The following WDR93 variants were observed in gnomAD, a reference collection of about 807,000 sequenced individuals.
WDR93 encodes the protein WD repeat domain 93.
Under a neutral mutation model 82.9 loss-of-function variants are expected in WDR93, and 73 were observed. The observed-to-expected ratio is 0.88, with a 90% confidence interval of 0.73 to 1.07. The LOEUF (loss-of-function observed/expected upper bound fraction) is 1.07, where lower values mean the gene tolerates loss of function less well. WDR93 is among the 50% of genes least tolerant of loss of function. The pLI is 0.00. For missense variants in WDR93, 738 were observed against 826.0 expected (o/e 0.89, Z 1.31); for synonymous variants, 283 against 300.1 (o/e 0.94, Z 0.59).
chr15:89,705,322 G>A (rs1223928741), intron 3 of WDR93: 10 of 530,510 alleles, frequency 1.9e-5, no homozygotes, highest in Middle Eastern at 3.7e-4. Context: ...GGGAGATGCC[G>A]GTGGAGCCAG....
chr15:89,738,179 T>C lies in WDR93; in HGVS notation c.1904T>C (p.Met635Thr), dbSNP rs1281542073. The C allele has an allele frequency of 1.2e-6, 2 of 1,614,164 alleles. No individual in the cohort carries two copies. Among genetic ancestry groups the C allele is most frequent in the East Asian group, 2.2e-5 (1 of 44,888 alleles). Residue 635 changes from methionine to threonine, a missense_variant, in exon 16 of 17, where the codon ATG (methionine) becomes ACG (threonine). Physicochemically the swap from Met to Thr is moderately conservative, Grantham distance 81 (BLOSUM62 -1). Coordinates refer to ENST00000268130, the MANE Select transcript of WDR93 (RefSeq NM_020212.2). ...ATTCCTCAAAGGGACTTGGATAACA[T>C]GGCCTTCCCCCAAGCACTGCCACTG... ...CTIPQRDLDN[M>T]AFPQALPLEK...
chr15:89,743,550 T>C lies in WDR93; in HGVS notation c.*159T>C. The C allele has an allele frequency of 1.5e-6, 1 of 651,528 alleles. No homozygotes were observed. Among genetic ancestry groups the C allele is most frequent in the Non-Finnish European group, 2.6e-6 (1 of 381,112 alleles). 40.4% of individuals were successfully genotyped at this position (651,528 alleles called of 1,614,324 possible). A position where few individuals can be genotyped will look rare whatever the true frequency, so the allele number is the denominator to read the frequency against. On this transcript the variant is annotated 3_prime_UTR_variant, in exon 17 of 17. Transcript: ENST00000268130. ...AGAGCCAGCAAGGGGAAAAGTATAA[T>C]CTGGGGGACCTTCAACCACTAAGCC...
At chr15:89,707,197 G>A (rs1965760422) in intron 4 of WDR93, among the ~76,000 whole-genome samples, 1 of 151,946 alleles carries the variant, frequency 6.6e-6, no homozygotes, top group Non-Finnish European at 1.5e-5. Flanking sequence ...TTAGGGAGGT[G>A]GAAATTAAAA....
At chr15:89,727,780 C>G (rs954150556) in intron 9 of WDR93, among the ~76,000 whole-genome samples, 1 of 150,114 alleles carries the variant, frequency 6.7e-6, no homozygotes, top group African/African-American at 2.4e-5. Context: ...ATTTTTTTTT[C>G]TAGTTATCTA....
At chr15:89,694,105 T>A (rs1034531766) in intron 1 of WDR93, among the ~76,000 whole-genome samples, 2 of 152,352 alleles carry the variant, frequency 1.3e-5, no homozygotes, top group African/African-American at 4.8e-5. Context: ...CGTGTAGTGG[T>A]ATCTCATGAT....
At chr15:89,708,888 G>A (rs902858432) in intron 4 of WDR93, among the ~76,000 whole-genome samples, 1 of 152,238 alleles carries the variant, frequency 6.6e-6, no homozygotes, top group African/African-American at 2.4e-5. Flanking sequence ...ATGACCAAAG[G>A]TCAGAGAGTG....
Position 89,743,504 on chromosome 15 carries a change from C to A in WDR93, c.*113C>A. The A allele has an allele frequency of 9.9e-7, 1 of 1,008,526 alleles. No individual in the cohort carries two copies. Among genetic ancestry groups the A allele is most frequent in the Non-Finnish European group, 1.5e-6 (1 of 673,692 alleles). The allele number at this position is 1,008,526 out of a possible 1,614,324, so 62.5% of individuals were successfully genotyped here. A position where few individuals can be genotyped will look rare whatever the true frequency, so the allele number is the denominator to read the frequency against. On this transcript the variant is annotated 3_prime_UTR_variant, in exon 17 of 17. Transcript: ENST00000268130. ...AGAGCCACAGCTCCACAGGCCTGCA[C>A]TCGGAGTCTGGGGCCTCTGCAGAGC...
In WDR93 at chr15:89,712,601, T is replaced by G. The variant is rs74640335; in HGVS notation, c.640+497T>G. 4.9e-3 allele frequency among the ~76,000 whole-genome samples: 740 copies of G among 152,158 alleles called. 6 individuals carry two copies. Among genetic ancestry groups the G allele is most frequent in the African/African-American group, 0.017 (714 of 41,474 alleles). On this transcript the variant is annotated intron_variant, in intron 5 of 16. Coordinates refer to ENST00000268130, the MANE Select transcript of WDR93 (RefSeq NM_020212.2). ...TCTGATATTTTTCTCATAATTCAAC[T>G]GGGGTTAAGGATTTGGGGGAAGATA...
rs1047342382 is a variant in WDR93, at chr15:89,700,870, T to C, written c.-40-837T>C. ...CCCCACAGGCCCTACAATTTTGAAT[T>C]TTCTGAAGTAAAGATTACTTGTTCT... On this transcript the variant is annotated intron_variant, in intron 1 of 16. Coordinates refer to ENST00000268130, the MANE Select transcript of WDR93 (RefSeq NM_020212.2). Among the ~76,000 whole-genome samples, 4 of 152,234 alleles carry C rather than the reference T, an allele frequency of 2.6e-5. No individual in the cohort carries two copies. The South Asian group carries it at 8.3e-4, about 32-fold the overall frequency.
Position 89,722,110 on chromosome 15 carries a change from T to C in WDR93, c.851T>C (p.Met284Thr). 1 of 1,609,048 alleles carries C rather than the reference T, an allele frequency of 6.2e-7. No homozygotes were observed. The highest frequency in any genetic ancestry group is 8.5e-7 in the Non-Finnish European group (1 of 1,178,414). ...AAATTGAGTCTTCCAGTTTACATAATGAAGATCAAACCACCTAAGCCTGTT... is the reference window on the plus strand; with the variant it reads ...AAATTGAGTCTTCCAGTTTACATAACGAAGATCAAACCACCTAAGCCTGTT... ...DIKLSLPVYI[M>T]KIKPPKPVTG... Residue 284 changes from methionine (M) to threonine (T), a missense_variant, in exon 8 of 17, where the codon ATG (methionine) becomes ACG (threonine). By Grantham distance (81) the Met-to-Thr change is moderately conservative. Transcript: ENST00000268130.
intron 1 of WDR93, among the ~76,000 whole-genome samples, chr15:89,691,469 A>T (rs897559216): frequency 6.6e-6 from 1 of 152,232 alleles, no homozygotes; most frequent in Non-Finnish European, 1.5e-5. Flanking sequence ...CTGTAATCCC[A>T]ACACTTTGGG....
At position 89,731,441 on chromosome 15, in the gene WDR93, A is replaced by G. The variant is rs755185765; in HGVS notation, c.1211-2A>G. On this transcript the variant is annotated splice_acceptor_variant, in intron 11 of 16. Transcript: ENST00000268130. LOFTEE classifies it high-confidence loss of function. ...CCGGTTGAGTATTGTCCTTCCCCCT[A>G]GACCCCGAGGGTGTGTGGCCCTGTG... 1.2e-6 allele frequency: 2 copies of G among 1,614,040 alleles called. No individual in the cohort carries two copies. The highest frequency in any genetic ancestry group is 1.7e-6 in the Non-Finnish European group (2 of 1,179,966).
Position 89,731,545 on chromosome 15 carries a change from TGTGGGACCTGGCCAAAGGTAA to T in WDR93, c.1316_1330+6del, listed in dbSNP as rs1966858781. ...GCCTGCGAGGATGGTGTGCTCACGC[TGTGGGACCTGGCCAAAGGTAA>T]GTCCTCCCTGCCTCTCTACCTAGTA... On this transcript the variant is annotated splice_donor_variant and splice_donor_region_variant and coding_sequence_variant and intron_variant, in exon 12 of 17. Coordinates refer to ENST00000268130, the MANE Select transcript of WDR93 (RefSeq NM_020212.2). LOFTEE classifies it high-confidence loss of function. 1 of 1,614,022 alleles carries T rather than the reference TGTGGGACCTGGCCAAAGGTAA, an allele frequency of 6.2e-7. No homozygotes were observed. Among genetic ancestry groups the T allele is most frequent in the Non-Finnish European group, 8.5e-7 (1 of 1,180,016 alleles).
intron 1 of WDR93, among the ~76,000 whole-genome samples, chr15:89,694,154 A>C (rs576350302): frequency 1.3e-5 from 2 of 152,118 alleles, no homozygotes; most frequent in Admixed American, 1.3e-4. Flanking sequence ...GATGCTGAAC[A>C]TCTTTTTATG....
intron 2 of WDR93, among the ~76,000 whole-genome samples, chr15:89,702,551 T>C (rs1965519904): frequency 6.6e-6 from 1 of 151,778 alleles, no homozygotes; most frequent in Non-Finnish European, 1.5e-5. Context: ...TTTGGGGTTT[T>C]TTTTTGAGAT....
chr15:89,737,144 G>A (rs1338219590), intron 14 of WDR93, among the ~76,000 whole-genome samples: 1 of 152,154 alleles, frequency 6.6e-6, no homozygotes, highest in African/African-American at 2.4e-5. Flanking sequence ...GCAGAGGAAA[G>A]AGCCCAGGCA....
chr15:89,716,785 C>A, intron 6 of WDR93, 126 bp from the exon 7 acceptor site: 1 of 701,926 alleles, frequency 1.4e-6, no homozygotes, highest in East Asian at 2.9e-5. Flanking sequence ...ACTGGCCCTC[C>A]ACATCTGTTG....
Position 89,705,617 on chromosome 15 carries a change from T to C in WDR93, c.560T>C (p.Val187Ala). 5 of 1,558,644 alleles carry C rather than the reference T, an allele frequency of 3.2e-6. No individual in the cohort carries two copies. Among genetic ancestry groups the C allele is most frequent in the Non-Finnish European group, 4.4e-6 (5 of 1,129,384 alleles). The change falls in exon 4 of 17, where the codon GTG (valine) becomes GCG (alanine). Residue 187 changes from valine (V) to alanine (A), a missense_variant and splice_region_variant. Val to Ala is a moderately conservative substitution (Grantham distance 64). Transcript: ENST00000268130. The stretch of plus-strand genomic sequence containing the variant: ...TACCTAGTCAAAGCCATCAATGAAG[T>C]GGTGAGTTCCTATTCTTTCACCATT... Reference protein sequence around the residue: ...GLYLVKAINEVDDTSKQTTCI... With the variant: ...GLYLVKAINEADDTSKQTTCI...
chr15:89,694,248 CTTTTTTTTTT>C (rs907842374), intron 1 of WDR93, among the ~76,000 whole-genome samples: 2 of 125,158 alleles, frequency 1.6e-5, no homozygotes, highest in East Asian at 4.5e-4. Flanking sequence ...TGGGTTATTT[CTTTTTTTTTT>C]TTTTTTTTTT....
Sources: allele counts gnomAD v4.1 joint callset (sites outside exome capture counted in the v4.1 genomes callset), GRCh38; gene constraint gnomAD v4.1.1; transcripts MANE v1.5; gene names NCBI Gene and HGNC (gene_info 2026-07-23, HGNC 2026-07-21).